The following BTAF1 variants were observed in gnomAD, a reference collection of about 807,000 sequenced individuals.
The protein encoded by BTAF1 is TATA-binding protein-associated factor 172.
BTAF1 carries 38 observed loss-of-function variants against 227.1 expected under a neutral mutation model. The ratio of observed to expected loss-of-function variants is 0.17; its 90% CI spans 0.13 to 0.22. The LOEUF (loss-of-function observed/expected upper bound fraction) is 0.22. Ranked by LOEUF, BTAF1 falls within the 10% of genes least tolerant of loss-of-function variation. BTAF1 has a pLI of 1.00. For synonymous variants in BTAF1, 742 were observed against 751.9 expected, an observed-to-expected ratio of 0.99 and a Z score of 0.21; for missense variants, 1,598 against 2,204.0, an observed-to-expected ratio of 0.73 and a Z score of 5.51.
chr10:92,028,056 T>C lies in BTAF1; in HGVS notation c.5407-734T>C, dbSNP rs112124958. On this transcript the variant is annotated intron_variant, in intron 37 of 37. Transcript: ENST00000265990. Reference sequence around the variant, plus strand: ...ACATTTTAAATGGTAACAAATTAAGTCCCTGGTGGCCAGAATGGAGGCAGG... The same window carrying C: ...ACATTTTAAATGGTAACAAATTAAGCCCCTGGTGGCCAGAATGGAGGCAGG... 3.3e-3 allele frequency among the ~76,000 whole-genome samples: 503 copies of C among 152,264 alleles called. 11 individuals are homozygous for C. Among genetic ancestry groups the C allele is most frequent in the African/African-American group, 0.012 (492 of 41,568 alleles).
rs547773174 is a variant in BTAF1 at position 92,024,736 on chromosome 10, T to TTTTGTTTTTG, written c.4864-17_4864-16insGTTTTTGTTT. On this transcript the variant is annotated intron_variant, in intron 34 of 37. Coordinates refer to ENST00000265990, the MANE Select transcript of BTAF1 (RefSeq NM_003972.3). ...CTTTTATTGAACGCTTATGTAGTTTTTTTTTTTTTTCTTCCTAAGTTGCTG... is the reference window on the plus strand; with the variant it reads ...CTTTTATTGAACGCTTATGTAGTTTTTTTGTTTTTGTTTTTTTTTTCTTCCTAAGTTGCTG... The TTTTGTTTTTG allele has an allele frequency of 3.1e-3, 4,913 of 1,569,848 alleles. 56 individuals carry two copies. The highest frequency in any genetic ancestry group is 3.9e-3 in the Non-Finnish European group (4,501 of 1,165,026).
chr10:91,928,495 G>C (rs1844022963), intron 1 of BTAF1, among the ~76,000 whole-genome samples: 1 of 152,172 alleles, frequency 6.6e-6, no homozygotes, highest in East Asian at 1.9e-4. Flanking sequence ...ATGCCGGAAA[G>C]TCAGCTAGTC....
chr10:91,957,004 G>A (rs967498607), intron 7 of BTAF1, among the ~76,000 whole-genome samples: 12 of 151,804 alleles, frequency 7.9e-5, no homozygotes, highest in Admixed American at 3.3e-4. Flanking sequence ...AAAAAAAATT[G>A]CTTATAAATC....
intron 19 of BTAF1, among the ~76,000 whole-genome samples, chr10:91,985,814 G>T (rs1031543630): frequency 7.1e-4 from 108 of 152,206 alleles, no homozygotes; most frequent in African/African-American, 2.4e-3. Flanking sequence ...TAGGTTGTTT[G>T]TTTGTTATTG....
At position 91,982,203 on chromosome 10, in the gene BTAF1, C is replaced by T; in HGVS notation, c.2026C>T (p.Arg676Trp). ...AGCCACCAGGGATTTTGTAGTTATG[C>T]GGGCCAGAATGATGGCAGCCAAGTG... The part of the protein sequence containing the change: ...DPATRDFVVM[R>W]ARMMAAKLLG... Residue 676 changes from arginine (R) to tryptophan (W), a missense_variant, in exon 17 of 38, where the codon CGG becomes TGG. By Grantham distance (101) the Arg-to-Trp change is moderately radical. Transcript: ENST00000265990. 1.9e-6 allele frequency: 3 copies of T among 1,613,804 alleles called. No homozygotes were observed. The highest frequency in any genetic ancestry group is 2.5e-6 in the Non-Finnish European group (3 of 1,179,848).
At position 91,997,662 on chromosome 10, in the gene BTAF1, G is replaced by C; in HGVS notation, c.3571G>C (p.Val1191Leu). The C allele has an allele frequency of 1.2e-6, 2 of 1,613,822 alleles. No individual in the cohort carries two copies. The highest frequency in any genetic ancestry group is 1.7e-6 in the Non-Finnish European group (2 of 1,179,718). ...ATATATTGTCCTTTTAGTTGTTCCTGTATTAGGAAGAATGAGTGATCAGAC... is the reference window on the plus strand; with the variant it reads ...ATATATTGTCCTTTTAGTTGTTCCTCTATTAGGAAGAATGAGTGATCAGAC... ...VPYIVLLVVP[V>L]LGRMSDQTDS... Residue 1191 changes from valine (V) to leucine (L), a missense_variant, in exon 25 of 38, where the codon GTA (valine) becomes CTA (leucine). Coordinates refer to ENST00000265990, the MANE Select transcript of BTAF1 (RefSeq NM_003972.3).
intron 11 of BTAF1, among the ~76,000 whole-genome samples, chr10:91,960,684 T>C (rs1846451898): frequency 6.6e-6 from 1 of 152,018 alleles, no homozygotes; most frequent in Non-Finnish European, 1.5e-5. Flanking sequence ...TCTGAAAAAT[T>C]AGATGCCTTG....
chr10:92,002,835 A>G (rs183746249), intron 25 of BTAF1, among the ~76,000 whole-genome samples: 3 of 152,214 alleles, frequency 2.0e-5, no homozygotes, highest in Non-Finnish European at 2.9e-5. Flanking sequence ...TTTTGGTCTC[A>G]TTACTTTTTT....
chr10:92,026,387 T>C (rs1311093384), intron 35 of BTAF1, among the ~76,000 whole-genome samples: 1 of 152,220 alleles, frequency 6.6e-6, no homozygotes. Flanking sequence ...TTTGTATTTA[T>C]GAAATTCCTG....
At chr10:91,994,957 C>T (rs1849035410) in intron 23 of BTAF1, among the ~76,000 whole-genome samples, 1 of 152,176 alleles carries the variant, frequency 6.6e-6, no homozygotes, top group Admixed American at 6.5e-5. Context: ...TCCAGATGAT[C>T]CTAATAATAC....
At chr10:91,948,071 C>T (rs1845503159) in intron 4 of BTAF1, among the ~76,000 whole-genome samples, 1 of 152,060 alleles carries the variant, frequency 6.6e-6, no homozygotes, top group Non-Finnish European at 1.5e-5. Flanking sequence ...AGGTTTGTCA[C>T]ATATGTATAC....
chr10:91,995,283 AGAATC>A (rs1190715849), intron 23 of BTAF1, among the ~76,000 whole-genome samples: 1 of 152,130 alleles, frequency 6.6e-6, no homozygotes, highest in Non-Finnish European at 1.5e-5. Context: ...CACAAAAGGG[AGAATC>A]TATGAGAGGG....
intron 1 of BTAF1, among the ~76,000 whole-genome samples, chr10:91,934,707 T>C (rs1263228485): frequency 1.3e-5 from 2 of 152,196 alleles, no homozygotes; most frequent in Non-Finnish European, 2.9e-5. Context: ...ACTCTTCTCT[T>C]AAGTGTACCC....
intron 26 of BTAF1, 94 bp downstream of exon 26, chr10:92,008,369 A>T: frequency 7.3e-6 from 9 of 1,238,044 alleles, no homozygotes; most frequent in Non-Finnish European, 9.8e-6. Flanking sequence ...TTTGAGACAG[A>T]GTCTTGCTCT....
At chr10:91,954,217 G>C (rs1436815960) in intron 6 of BTAF1, among the ~76,000 whole-genome samples, 1 of 152,144 alleles carries the variant, frequency 6.6e-6, no homozygotes, top group Non-Finnish European at 1.5e-5. Context: ...TCTATACTGG[G>C]ATGAGTGCAC....
chr10:91,937,672 A>T (rs1376169354), intron 2 of BTAF1, among the ~76,000 whole-genome samples: 1 of 152,038 alleles, frequency 6.6e-6, no homozygotes, highest in Non-Finnish European at 1.5e-5. Flanking sequence ...TGTACATCTT[A>T]CTGATTTTTT....
intron 11 of BTAF1, among the ~76,000 whole-genome samples, chr10:91,960,849 C>T (rs1316247305): frequency 6.6e-6 from 1 of 152,032 alleles, no homozygotes; most frequent in African/African-American, 2.4e-5. Context: ...CATTTATGTT[C>T]CCTTAGTGGG....
chr10:91,980,236 C>G (rs1362665642), intron 14 of BTAF1, among the ~76,000 whole-genome samples: 11 of 152,018 alleles, frequency 7.2e-5, no homozygotes, highest in Non-Finnish European at 1.6e-4. Context: ...TTCCAGCTTC[C>G]CAGTGATTAT....
intron 19 of BTAF1, among the ~76,000 whole-genome samples, chr10:91,986,381 A>AT (rs1848393971): frequency 6.6e-6 from 1 of 152,198 alleles, no homozygotes; most frequent in East Asian, 1.9e-4. Context: ...TAGGTGTAGT[A>AT]TATATGAGTT....
Sources: gnomAD v4.1 joint callset for allele counts (sites outside exome capture counted in the v4.1 genomes callset) on GRCh38, gnomAD v4.1.1 for gene constraint, MANE v1.5 for transcripts, NCBI Gene and HGNC (gene_info 2026-07-23, HGNC 2026-07-21) for gene names.